Variants in CWH43 observed in about 807,000 individuals in gnomAD.
The protein encoded by CWH43 is PGAP2-interacting protein.
CWH43 carries 91 observed loss-of-function variants against 85.7 expected under a neutral mutation model. That is an observed-to-expected ratio of 1.06 (90% CI 0.90 to 1.26). The LOEUF is 1.26. Among genes scored for constraint, CWH43 ranks in the 50% most tolerant of loss-of-function variants. CWH43 has a pLI of 0.00. For missense variants in CWH43, 869 were observed against 839.2 expected, an observed-to-expected ratio of 1.04 and a Z score of -0.44; for synonymous variants, 323 against 293.6, an observed-to-expected ratio of 1.10 and a Z score of -1.02.
intron 2 of CWH43, among the ~76,000 whole-genome samples, chr4:48,990,897 C>A (rs1248902407): frequency 6.6e-6 from 1 of 152,114 alleles, no homozygotes; most frequent in Non-Finnish European, 1.5e-5. Flanking sequence ...TCAACTGATA[C>A]ATGGATAAAC....
At chr4:49,003,699 G>T (rs1443654000) in intron 6 of CWH43, 36 bp from the exon 7 acceptor site, 2 of 1,611,006 alleles carry the variant, frequency 1.2e-6, no homozygotes, top group African/African-American at 2.7e-5. Flanking sequence ...AAGCTCGACT[G>T]CTTTCCTGTC....
chr4:48,997,704 T>C lies in CWH43; in HGVS notation c.714-756T>C, dbSNP rs79476633. Among the ~76,000 whole-genome samples the C allele has an allele frequency of 3.9e-3, 592 of 152,288 alleles. 8 individuals carry two copies. The highest frequency in any genetic ancestry group is 0.014 in the African/African-American group (575 of 41,554). Reference sequence around the variant, plus strand: ...CTGTGTATGACCTCAAGCAGGTTACTTACATACCCTTTCCCCCAGAATTCT... The same window carrying C: ...CTGTGTATGACCTCAAGCAGGTTACCTACATACCCTTTCCCCCAGAATTCT... On this transcript the variant is annotated intron_variant, in intron 5 of 15. Transcript: ENST00000226432.
At chr4:49,037,323 C>A (rs1038147247) in intron 12 of CWH43, among the ~76,000 whole-genome samples, 1 of 152,176 alleles carries the variant, frequency 6.6e-6, no homozygotes, top group African/African-American at 2.4e-5. Context: ...GTAATCCCAG[C>A]ACTTTGGGAA....
chr4:49,042,129 C>T (rs1440796271), intron 13 of CWH43, among the ~76,000 whole-genome samples: 1 of 152,108 alleles, frequency 6.6e-6, no homozygotes, highest in African/African-American at 2.4e-5. Flanking sequence ...TAGTTCATGT[C>T]TGCTCCATGC....
intron 15 of CWH43, among the ~76,000 whole-genome samples, chr4:49,060,364 CT>C (rs1470191475): frequency 6.6e-6 from 1 of 151,984 alleles, no homozygotes; most frequent in Non-Finnish European, 1.5e-5. Flanking sequence ...TGGCCCGAAA[CT>C]GATGCCAGTC....
intron 14 of CWH43, among the ~76,000 whole-genome samples, chr4:49,045,158 T>C (rs1322493428): frequency 1.3e-5 from 2 of 152,112 alleles, no homozygotes; most frequent in African/African-American, 4.8e-5. Flanking sequence ...TTTTTGAATG[T>C]ATGGGTTAGT....
At chr4:49,048,961 G>A (rs1165035329) in intron 14 of CWH43, among the ~76,000 whole-genome samples, 3 of 152,116 alleles carry the variant, frequency 2.0e-5, no homozygotes, top group African/African-American at 7.2e-5. Flanking sequence ...GGTATTAGGT[G>A]CTTAATAAAT....
chr4:49,015,105 A>G (rs1440036691), intron 8 of CWH43, among the ~76,000 whole-genome samples: 1 of 152,080 alleles, frequency 6.6e-6, no homozygotes, highest in Non-Finnish European at 1.5e-5. Context: ...ATTTTCCAGA[A>G]TGTCAATTTT....
Position 49,003,957 on chromosome 4 carries a change from G to T in CWH43, c.1025G>T (p.Gly342Val). ...ACAGCTTTTAAGTTTGTCCCAGGAG[G>T]TGTCTACGCTAGAGAAAGATCAGAT... ...WCTAFKFVPG[G>V]VYARERSDVL... The change falls in exon 7 of 16, where the codon GGT (glycine) becomes GTT (valine). Residue 342 changes from glycine to valine, a missense_variant. Around this residue, in one of 3 missense-constraint regions of CWH43, gnomAD observed 577 missense variants for 513.1 expected, o/e 1.12. Transcript: ENST00000226432. The T allele has an allele frequency of 6.2e-7, 1 of 1,613,156 alleles. No individual in the cohort carries two copies. The highest frequency in any genetic ancestry group is 8.5e-7 in the Non-Finnish European group (1 of 1,179,800).
chr4:49,033,924 T>G (rs1408167836), intron 12 of CWH43, among the ~76,000 whole-genome samples: 4 of 152,244 alleles, frequency 2.6e-5, no homozygotes, highest in Non-Finnish European at 1.5e-5. Context: ...CTATAAGTTT[T>G]ATTTAAACAA....
chr4:49,030,707 T>G, intron 10 of CWH43, 118 bp from the exon 11 acceptor site: 1 of 906,024 alleles, frequency 1.1e-6, no homozygotes, highest in Non-Finnish European at 1.5e-6. Context: ...AATAATTACT[T>G]TGTTTTTGGG....
chr4:49,006,229 G>A (rs1332756372), intron 7 of CWH43, among the ~76,000 whole-genome samples: 1 of 151,594 alleles, frequency 6.6e-6, no homozygotes, highest in Non-Finnish European at 1.5e-5. Context: ...GCATGAGTTT[G>A]TTTCTTTAGA....
At chr4:49,007,901 T>C (rs566408842) in intron 8 of CWH43, among the ~76,000 whole-genome samples, 1 of 152,336 alleles carries the variant, frequency 6.6e-6, no homozygotes, top group South Asian at 2.1e-4. Flanking sequence ...TTCCAAGTCT[T>C]TGCTATTGTG....
At chr4:49,053,249 G>A (rs1784852925) in intron 15 of CWH43, among the ~76,000 whole-genome samples, 1 of 152,164 alleles carries the variant, frequency 6.6e-6, no homozygotes. Flanking sequence ...ATGCTGCAGT[G>A]AATGTAGGAG....
intron 9 of CWH43, among the ~76,000 whole-genome samples, chr4:49,018,122 A>G (rs1783620136): frequency 6.6e-6 from 1 of 152,050 alleles, no homozygotes; most frequent in Admixed American, 6.6e-5. Context: ...ATAAGCCACC[A>G]TGCCTGGCAG....
At chr4:49,055,471 T>C (rs1784920265) in intron 15 of CWH43, among the ~76,000 whole-genome samples, 1 of 152,194 alleles carries the variant, frequency 6.6e-6, no homozygotes, top group Non-Finnish European at 1.5e-5. Flanking sequence ...CATTTTCTTG[T>C]AGCATCCTTG....
chr4:49,031,036 A>C (rs1364820449), intron 11 of CWH43, 76 bp downstream of exon 11: 2 of 1,345,108 alleles, frequency 1.5e-6, no homozygotes, highest in African/African-American at 1.5e-5. Context: ...TGGCAAGTTG[A>C]TATTGTAATA....
intron 12 of CWH43, among the ~76,000 whole-genome samples, chr4:49,033,186 G>T (rs1311010826): frequency 3.3e-5 from 5 of 152,180 alleles, no homozygotes; most frequent in East Asian, 1.9e-4. Context: ...TCCTTTTCCT[G>T]CAGGATTACT....
In CWH43 at chr4:49,042,004, T is replaced by C. The variant is rs115808545; in HGVS notation, c.1804-2782T>C. On this transcript the variant is annotated intron_variant, in intron 13 of 15. Transcript: ENST00000226432. ...TTTTGGAAGAAGGGTAAGGCAGATA[T>C]TAGGAAGATGAGTTAGTCTCTGCAT... Among the ~76,000 whole-genome samples, 948 of 152,264 alleles carry C rather than the reference T, an allele frequency of 6.2e-3. 5 individuals are homozygous for C. The highest frequency in any genetic ancestry group is 9.7e-3 in the Non-Finnish European group (658 of 68,022).
Sources: allele counts gnomAD v4.1 joint callset (sites outside exome capture counted in the v4.1 genomes callset), GRCh38; gene constraint gnomAD v4.1.1; regional missense constraint gnomAD v4.1.1; transcripts MANE v1.5; gene names NCBI Gene and HGNC (gene_info 2026-07-23, HGNC 2026-07-21).